Variants in TSC1 observed in about 807,000 individuals in gnomAD.
The protein encoded by TSC1 is hamartin.
Under a neutral mutation model 124.3 loss-of-function variants are expected in TSC1, and 20 were observed. The observed-to-expected ratio is 0.16, with a 90% CI of 0.11 to 0.23. TSC1 has a LOEUF of 0.23. Among genes scored for constraint, TSC1 ranks in the 10% least tolerant of loss-of-function variants. TSC1 has a pLI of 1.00. For missense variants in TSC1, 1,124 were observed against 1,448.5 expected (o/e 0.78, Z 3.64); for synonymous variants, 493 against 539.1 (o/e 0.91, Z 1.19).
chr9:132,920,318 C>T (rs1011514079), intron 8 of TSC1, among the ~76,000 whole-genome samples: 1 of 152,146 alleles, frequency 6.6e-6, no homozygotes, highest in Non-Finnish European at 1.5e-5. Flanking sequence ...GCAATACCTA[C>T]AGTAAAACTA....
chr9:132,900,304 C>A, intron 20 of TSC1: 1 of 260,630 alleles, frequency 3.8e-6, no homozygotes, highest in East Asian at 9.3e-5. Flanking sequence ...GACTGAACTA[C>A]CATCTGCAGA....
intron 1 of TSC1, among the ~76,000 whole-genome samples, 156 bp from the exon 2 acceptor site, chr9:132,935,251 G>A (rs1207415313): frequency 1.3e-5 from 2 of 152,182 alleles, no homozygotes; most frequent in African/African-American, 2.4e-5. Flanking sequence ...TTGGAAGCAC[G>A]TGCCTCTCCC....
At chr9:132,912,522 G>A (rs1009109010) in intron 8 of TSC1, 65 bp from the exon 9 acceptor site, 5 of 1,586,138 alleles carry the variant, frequency 3.2e-6, no homozygotes, top group Non-Finnish European at 4.3e-6. Flanking sequence ...ACTTCAGAGT[G>A]TCAACTCAGT....
In TSC1 at chr9:132,896,341, T is replaced by C. The variant is rs1588286359; in HGVS notation, c.3389A>G (p.Lys1130Arg). The part of the protein sequence containing the change: ...ELGKDLGVEA[K>R]IPLNLDGPHP... ...AGGGCCATCTAGGTTCAGGGGAATC[T>C]TGGCTTCCACACCCAAGTCTTTGCC... The change falls in exon 23 of 23, where the codon AAG becomes AGG. Residue 1130 changes from lysine (K) to arginine (R), a missense_variant. Physicochemically the swap from Lys to Arg is conservative, Grantham distance 26. Transcript: ENST00000298552. The surrounding 1 kb of genome is among the most constrained non-coding windows in gnomAD (Gnocchi z 4.5). 3.1e-6 allele frequency: 5 copies of C among 1,614,244 alleles called. No homozygotes were observed. The highest frequency in any genetic ancestry group is 4.2e-6 in the Non-Finnish European group (5 of 1,180,028).
chr9:132,909,539 C>A (rs1401367923), intron 12 of TSC1, among the ~76,000 whole-genome samples: 1 of 152,142 alleles, frequency 6.6e-6, no homozygotes, highest in East Asian at 1.9e-4. Flanking sequence ...GAGAAGCTGC[C>A]TGCCAAACAC....
chr9:132,936,827 C>T (rs1286315119), intron 1 of TSC1, among the ~76,000 whole-genome samples: 1 of 152,192 alleles, frequency 6.6e-6, no homozygotes, highest in Non-Finnish European at 1.5e-5. Flanking sequence ...AGCTGAGCCT[C>T]ATATACTATG....
Position 132,923,656 on chromosome 9 carries a change from C to T in TSC1, c.364-164G>A. On this transcript the variant is annotated intron_variant, in intron 5 of 22. Transcript: ENST00000298552. The surrounding 1 kb of genome is among the most constrained non-coding windows in gnomAD (Gnocchi z 4.2). ...TAAGGATTACTGAAGGGATAACATT[C>T]AAACAGACTCAACAGAACACTGAGC... The T allele has an allele frequency of 1.1e-6, 1 of 939,788 alleles. No homozygotes were observed. The highest frequency in any genetic ancestry group is 1.6e-6 in the Non-Finnish European group (1 of 612,882). 58.2% of individuals were successfully genotyped at this position (939,788 alleles called of 1,614,324 possible). A position where few individuals can be genotyped will look rare whatever the true frequency, so the allele number is the denominator to read the frequency against.
rs2131961988 is a variant in TSC1, at chr9:132,911,075, G to A, written c.1068C>T (p.Thr356=). Residue 356 remains threonine, a synonymous_variant, in exon 11 of 23, where the codon ACC becomes ACT. Coordinates refer to ENST00000298552, the MANE Select transcript of TSC1 (RefSeq NM_000368.5). ...LWSPSMVCGM[T]TPPTSPGNVP... ...CATTTCCAGGAGAAGTTGGAGGAGT[G>A]GTCATACCACAAACCATAGATGGGC... 6.2e-7 allele frequency: 1 copy of A among 1,614,140 alleles called. No individual in the cohort carries two copies. The highest frequency in any genetic ancestry group is 8.5e-7 in the Non-Finnish European group (1 of 1,180,016).
chr9:132,906,588 A>G lies in TSC1; in HGVS notation c.1438+143T>C. The G allele has an allele frequency of 4.2e-6, 3 of 713,274 alleles. No homozygotes were observed. The highest frequency in any genetic ancestry group is 7.3e-6 in the Non-Finnish European group (3 of 410,668). The allele number at this position is 713,274 out of a possible 1,614,324, so 44.2% of individuals were successfully genotyped here. A position where few individuals can be genotyped will look rare whatever the true frequency, so the allele number is the denominator to read the frequency against. Reference sequence around the variant, plus strand: ...AAAAAGTGGCATCACTTTACCTGGCATAGGTCCCAGACTAAACCACCCATC... The same window carrying G: ...AAAAAGTGGCATCACTTTACCTGGCGTAGGTCCCAGACTAAACCACCCATC... On this transcript the variant is annotated intron_variant, in intron 14 of 22. Transcript: ENST00000298552. The surrounding 1 kb of genome is among the most constrained non-coding windows in gnomAD (Gnocchi z 4.1).
rs1440556776 is a variant in TSC1, at chr9:132,906,456, G to A, written c.1438+275C>T. On this transcript the variant is annotated intron_variant, in intron 14 of 22. Transcript: ENST00000298552. The surrounding 1 kb of genome is among the most constrained non-coding windows in gnomAD (Gnocchi z 4.1). ...CCCAGCTACTCAGGAGGCTGAGGTGGGCGGATTGCTTGAGCCTGGGAGGTC... is the reference window on the plus strand; with the variant it reads ...CCCAGCTACTCAGGAGGCTGAGGTGAGCGGATTGCTTGAGCCTGGGAGGTC... 3.8e-6 allele frequency: 2 copies of A among 530,684 alleles called. No homozygotes were observed. The allele number at this position is 530,684 out of a possible 1,614,324, so 32.9% of individuals were successfully genotyped here.
Position 132,895,947 on chromosome 9 carries a change from A to G in TSC1, c.*288T>C. The G allele has an allele frequency of 2.6e-6, 1 of 391,902 alleles. No homozygotes were observed. The highest frequency in any genetic ancestry group is 4.6e-6 in the Non-Finnish European group (1 of 217,152). The allele number at this position is 391,902 out of a possible 1,614,324, so 24.3% of individuals were successfully genotyped here. ...AAAGGACGCAACCATTTGGGGGGGA[A>G]AGGAAGAAAGTAAAGCTACTGAGGA... On this transcript the variant is annotated 3_prime_UTR_variant, in exon 23 of 23. Coordinates refer to ENST00000298552, the MANE Select transcript of TSC1 (RefSeq NM_000368.5).
chr9:132,896,521 G>C lies in TSC1; in HGVS notation c.3209C>G (p.Ala1070Gly), dbSNP rs1060503200. ...CACAGTGGTGGGGATGCTGGCAGAC[G>C]CTTCTCCCATAGTCGTCTCCCACCG... ...SSRWETTMGE[A>G]SASIPTTVGS... Residue 1070 changes from alanine (A) to glycine (G), a missense_variant, in exon 23 of 23, where the codon GCG (alanine) becomes GGG (glycine). Ala to Gly is a moderately conservative substitution (Grantham distance 60). Transcript: ENST00000298552. This position sits in a 1 kb window ranked among gnomAD's most constrained non-coding sequence, Gnocchi z 4.5. 1.9e-6 allele frequency: 3 copies of C among 1,614,220 alleles called. No homozygotes were observed. Among genetic ancestry groups the C allele is most frequent in the Non-Finnish European group, 2.5e-6 (3 of 1,180,036 alleles).
At chr9:132,944,382 G>A (rs912265383) in intron 1 of TSC1, among the ~76,000 whole-genome samples, 161 bp downstream of exon 1, 1 of 152,168 alleles carries the variant, frequency 6.6e-6, no homozygotes, top group Non-Finnish European at 1.5e-5. Context: ...CGTGTAATAA[G>A]AGGGAGGGGA....
chr9:132,935,549 C>T (rs1261599622), intron 1 of TSC1, among the ~76,000 whole-genome samples: 48 of 152,234 alleles, frequency 3.2e-4, no homozygotes, highest in Admixed American at 3.1e-3. Flanking sequence ...TGAGATGATG[C>T]ATTCCATTGC....
rs927104918 is a variant in TSC1 at position 132,909,045 on chromosome 9, C to T, written c.1263+1526G>A. ...TCAGCCTCCCAAGTAGCTGGGATTA[C>T]AGGTGCCTGCCACCATACCCGGCTA... On this transcript the variant is annotated intron_variant, in intron 12 of 22. Coordinates refer to ENST00000298552, the MANE Select transcript of TSC1 (RefSeq NM_000368.5). 1.3e-4 allele frequency among the ~76,000 whole-genome samples: 20 copies of T among 152,024 alleles called. 1 individual carries two copies. The highest frequency in any genetic ancestry group is 4.6e-4 in the African/African-American group (19 of 41,430).
In TSC1 at chr9:132,904,507, C is replaced by T. The variant is rs368679682; in HGVS notation, c.1998-53G>A. 2.8e-4 allele frequency: 430 copies of T among 1,561,916 alleles called. No homozygotes were observed. Among genetic ancestry groups the T allele is most frequent in the East Asian group, 7.6e-4 (34 of 44,600 alleles). On this transcript the variant is annotated intron_variant, in intron 15 of 22. Transcript: ENST00000298552. ...GTTACCGATCTTACCAAGAAAAAAA[C>T]GTATCTGGACTTTTATTTGCAGCAA...
chr9:132,922,763 T>TCA (rs1210355519), intron 6 of TSC1, among the ~76,000 whole-genome samples: 1 of 152,160 alleles, frequency 6.6e-6, no homozygotes, highest in African/African-American at 2.4e-5. Context: ...CTGACATACT[T>TCA]CACCCTTTTG....
At chr9:132,928,022 C>T (rs1430847094) in intron 3 of TSC1, among the ~76,000 whole-genome samples, 1 of 152,146 alleles carries the variant, frequency 6.6e-6, no homozygotes, top group Non-Finnish European at 1.5e-5. Context: ...GCACACAGCC[C>T]TCATGTCCAC....
At chr9:132,910,931 A>C in intron 11 of TSC1, 71 bp downstream of exon 11, 1 of 1,454,602 alleles carries the variant, frequency 6.9e-7, no homozygotes, top group Non-Finnish European at 9.7e-7. Context: ...CTTAGATCTA[A>C]AAGAGAGCTC....
Sources: gnomAD v4.1 joint callset for allele counts (sites outside exome capture counted in the v4.1 genomes callset) on GRCh38, gnomAD v4.1.1 for gene constraint, Gnocchi (gnomAD v3.1) non-coding constraint, MANE v1.5 for transcripts, NCBI Gene and HGNC (gene_info 2026-07-23, HGNC 2026-07-21) for gene names.